Variants in HFM1 observed in about 807,000 individuals in gnomAD.
HFM1 encodes the protein probable ATP-dependent DNA helicase HFM1.
A neutral mutation model predicts 192.1 loss-of-function variants in HFM1; 169 were observed. The observed-to-expected ratio is 0.88, with a 90% CI of 0.78 to 1.00. HFM1 has a LOEUF of 1.00. Ranked by LOEUF, HFM1 falls within the 50% of genes least tolerant of loss-of-function variation. HFM1 has a pLI of 0.00. For missense variants in HFM1, 1,661 were observed against 1,668.0 expected, an observed-to-expected ratio of 1.00 and a Z score of 0.07; for synonymous variants, 525 against 537.8, an observed-to-expected ratio of 0.98 and a Z score of 0.33.
chr1:91,365,946 T>C (rs1264089866), intron 13 of HFM1, among the ~76,000 whole-genome samples: 8 of 139,988 alleles, frequency 5.7e-5, no homozygotes, highest in African/African-American at 2.2e-4. Context: ...CAAATCTGAG[T>C]CTCTAACTCC....
chr1:91,277,815 A>T (rs34479788), intron 30 of HFM1, among the ~76,000 whole-genome samples: 3 of 30,630 alleles, frequency 9.8e-5, no homozygotes, highest in Non-Finnish European at 1.3e-4. Flanking sequence ...CTAATATATA[A>T]TATATATACT....
rs574565546 is a variant in HFM1 at position 91,276,797 on chromosome 1, A to G, written c.3473-54T>C. ...GTTAAACTTCAGATCTTATTCTTATAAAGTCAAATTTCTTTAAAATTTCAA... is the reference window on the plus strand; with the variant it reads ...GTTAAACTTCAGATCTTATTCTTATGAAGTCAAATTTCTTTAAAATTTCAA... On this transcript the variant is annotated intron_variant, in intron 31 of 38. Coordinates refer to ENST00000370425, the MANE Select transcript of HFM1 (RefSeq NM_001017975.6). 28 of 955,776 alleles carry G rather than the reference A, an allele frequency of 2.9e-5. No individual in the cohort carries two copies. The South Asian group carries it at 4.5e-4, about 15-fold the overall frequency. 59.2% of individuals were successfully genotyped at this position (955,776 alleles called of 1,614,324 possible). A position where few individuals can be genotyped will look rare whatever the true frequency, so the allele number is the denominator to read the frequency against.
At chr1:91,397,415 T>C (rs1663794375) in intron 2 of HFM1, among the ~76,000 whole-genome samples, 1 of 152,182 alleles carries the variant, frequency 6.6e-6, no homozygotes, top group South Asian at 2.1e-4. Context: ...AGATAAGTGT[T>C]AGGTGACAGG....
intron 18 of HFM1, 24 bp from the exon 19 acceptor site, chr1:91,347,500 TA>T (rs1557888087): frequency 1.9e-6 from 3 of 1,552,480 alleles, no homozygotes; most frequent in East Asian, 4.6e-5. Flanking sequence ...AAAAGTAAAA[TA>T]GAATTTAGCT....
chr1:91,339,450 C>T (rs12128042), intron 20 of HFM1, among the ~76,000 whole-genome samples: 15,603 of 151,892 alleles, frequency 0.1, 903 homozygotes, highest in Middle Eastern at 0.16. Context: ...AACAAAGAAC[C>T]AAACTGATCT....
intron 13 of HFM1, among the ~76,000 whole-genome samples, chr1:91,365,509 T>C (rs949034865): frequency 2.6e-5 from 4 of 152,074 alleles, no homozygotes; most frequent in African/African-American, 7.2e-5. Context: ...AAAAGAAAAC[T>C]AGGTGAAAAG....
rs1167240854 is a variant in HFM1 at position 91,324,762 on chromosome 1, T to C, written c.2340A>G (p.Ala780=). Residue 780 remains alanine (A), a synonymous_variant, in exon 21 of 39, where the codon GCA becomes GCG. Transcript: ENST00000370425. The part of the protein sequence containing the change: ...DEGVNFKPTE[A]GRLMAWYYIT... Reference sequence around the variant, plus strand: ...TATAATACCAAGCCATCAATCTTCCTGCTTCTGTAAGAAAAGACAGAAAAA... The same window carrying C: ...TATAATACCAAGCCATCAATCTTCCCGCTTCTGTAAGAAAAGACAGAAAAA... 1.3e-6 allele frequency: 2 copies of C among 1,544,816 alleles called. No homozygotes were observed. The highest frequency in any genetic ancestry group is 2.2e-5 in the East Asian group (1 of 44,518).
intron 13 of HFM1, among the ~76,000 whole-genome samples, chr1:91,367,167 C>T (rs1002731082): frequency 7.2e-5 from 11 of 152,344 alleles, no homozygotes; most frequent in Non-Finnish European, 1.3e-4. Context: ...CCTCTGTAGA[C>T]TCCACCTCTG....
At chr1:91,378,865 A>G (rs1281108079) in intron 9 of HFM1, among the ~76,000 whole-genome samples, 198 bp downstream of exon 9, 1 of 152,000 alleles carries the variant, frequency 6.6e-6, no homozygotes, top group African/African-American at 2.4e-5. Flanking sequence ...AATTTTTCCA[A>G]TTTGGTCATT....
chr1:91,328,672 G>C (rs1191862309), intron 20 of HFM1: 36 of 1,596,936 alleles, frequency 2.3e-5, no homozygotes, highest in Middle Eastern at 3.3e-4. Context: ...AGGCGAGCTG[G>C]CCAAATGCAG....
intron 20 of HFM1, among the ~76,000 whole-genome samples, chr1:91,334,120 A>G (rs564686142): frequency 1.9e-4 from 29 of 152,334 alleles, no homozygotes; most frequent in African/African-American, 7.0e-4. Flanking sequence ...TAAAAAGACT[A>G]TCTTTAGAAT....
intron 20 of HFM1, among the ~76,000 whole-genome samples, chr1:91,326,165 A>C (rs1652864835): frequency 6.6e-6 from 1 of 152,222 alleles, no homozygotes; most frequent in Admixed American, 6.5e-5. Context: ...ACCTTAAAGA[A>C]GCAGTACAAA....
At chr1:91,355,433 A>G (rs927207093) in intron 13 of HFM1, among the ~76,000 whole-genome samples, 20 of 94,744 alleles carry the variant, frequency 2.1e-4, no homozygotes, top group Non-Finnish European at 5.0e-4. Context: ...TTGATAGAAG[A>G]AAAAAAAAAA....
At chr1:91,271,640 G>A (rs1451965774) in intron 34 of HFM1, among the ~76,000 whole-genome samples, 2 of 151,968 alleles carry the variant, frequency 1.3e-5, no homozygotes, top group Non-Finnish European at 2.9e-5. Context: ...CAGGAGGAGA[G>A]ATATGCCTCG....
At chr1:91,288,930 C>T (rs1668352068) in intron 30 of HFM1, among the ~76,000 whole-genome samples, 1 of 152,064 alleles carries the variant, frequency 6.6e-6, no homozygotes, top group Admixed American at 6.5e-5. Flanking sequence ...CAGAGGGGCT[C>T]CTCACTTCCC....
intron 30 of HFM1, among the ~76,000 whole-genome samples, chr1:91,312,904 TAGTG>T (rs949143427): frequency 4.6e-5 from 7 of 152,114 alleles, no homozygotes; most frequent in Non-Finnish European, 8.8e-5. Context: ...GTTCTTGTGA[TAGTG>T]AGTAAGTCTC....
intron 30 of HFM1, among the ~76,000 whole-genome samples, chr1:91,300,635 C>G (rs1648590999): frequency 6.6e-6 from 1 of 152,142 alleles, no homozygotes; most frequent in Non-Finnish European, 1.5e-5. Flanking sequence ...TCAACATATG[C>G]AAATCAATAA....
chr1:91,369,528 A>T (rs1477067693), intron 13 of HFM1, among the ~76,000 whole-genome samples: 1 of 152,206 alleles, frequency 6.6e-6, no homozygotes, highest in Non-Finnish European at 1.5e-5. Context: ...AGAAATAAAG[A>T]TGTTCTTTGA....
Position 91,277,027 on chromosome 1 carries a change from A to G in HFM1, c.3427T>C (p.Cys1143Arg). 1.3e-6 allele frequency: 2 copies of G among 1,599,412 alleles called. No homozygotes were observed. Among genetic ancestry groups the G allele is most frequent in the South Asian group, 1.1e-5 (1 of 87,698 alleles). ...TASKKPGNRE[C>R]NHLCKSKHTC... is the part of the protein sequence containing the mutation. The stretch of plus-strand genomic sequence containing the variant: ...TGTTTACTTTTACAAAGATGATTGC[A>G]TTCTCGGTTCCCAGGTTTTTTGCTG... The change falls in exon 31 of 39, where the codon TGC becomes CGC. Residue 1143 changes from cysteine to arginine, a missense_variant. Cys to Arg is a radical substitution (Grantham distance 180). Transcript: ENST00000370425.
Sources: allele counts gnomAD v4.1 joint callset (sites outside exome capture counted in the v4.1 genomes callset), GRCh38; gene constraint gnomAD v4.1.1; transcripts MANE v1.5; gene names NCBI Gene and HGNC (gene_info 2026-07-23, HGNC 2026-07-21).